The following GSTCD variants were observed in gnomAD, a reference collection of about 807,000 sequenced individuals.
GSTCD encodes the protein glutathione S-transferase C-terminal domain-containing protein.
Under a neutral mutation model 68.3 loss-of-function variants are expected in GSTCD, and 44 were observed. The ratio of observed to expected loss-of-function variants is 0.64; its 90% CI spans 0.51 to 0.83. The LOEUF (loss-of-function observed/expected upper bound fraction) is 0.83, where lower values mean the gene tolerates loss of function less well. Among genes scored for constraint, GSTCD ranks in the 40% least tolerant of loss-of-function variants. The pLI, the probability that GSTCD is intolerant of heterozygous loss-of-function variation, is 0.00. For synonymous variants in GSTCD, 273 were observed against 255.2 expected (o/e 1.07, Z -0.67); for missense variants, 739 against 735.9 (o/e 1.00, Z -0.05).
At chr4:105,719,654 T>C in intron 3 of GSTCD, 127 bp downstream of exon 3, 1 of 680,042 alleles carries the variant, frequency 1.5e-6, no homozygotes. Flanking sequence ...TCTTTCTCCA[T>C]TTTCTTATCT....
chr4:105,743,232 G>T (rs1733694268), intron 5 of GSTCD, among the ~76,000 whole-genome samples: 1 of 152,004 alleles, frequency 6.6e-6, no homozygotes, highest in African/African-American at 2.4e-5. Flanking sequence ...TTACAGGCAT[G>T]ACCCACCGCA....
At chr4:105,789,739 G>A (rs533463783) in intron 5 of GSTCD, among the ~76,000 whole-genome samples, 21 of 151,892 alleles carry the variant, frequency 1.4e-4, no homozygotes, top group Admixed American at 2.6e-4. Flanking sequence ...ATAATGAAGG[G>A]GAGAGGATTA....
chr4:105,781,975 T>A (rs763444400), intron 5 of GSTCD, among the ~76,000 whole-genome samples: 1 of 152,138 alleles, frequency 6.6e-6, no homozygotes, highest in Non-Finnish European at 1.5e-5. Context: ...CTAGCAGGAA[T>A]AGTTTTTCTG....
chr4:105,791,649 A>G (rs1051289339), intron 5 of GSTCD, among the ~76,000 whole-genome samples: 3 of 151,952 alleles, frequency 2.0e-5, no homozygotes, highest in Non-Finnish European at 2.9e-5. Flanking sequence ...AAAATTGTCT[A>G]TTTTCTCTCC....
intron 1 of GSTCD, among the ~76,000 whole-genome samples, chr4:105,716,444 C>G (rs1040334481): frequency 3.9e-5 from 6 of 152,180 alleles, no homozygotes; most frequent in African/African-American, 1.4e-4. Flanking sequence ...GGGCCCAGGA[C>G]TAGTATCCAT....
intron 5 of GSTCD, among the ~76,000 whole-genome samples, chr4:105,790,661 A>C (rs1268004654): frequency 6.6e-6 from 1 of 151,656 alleles, no homozygotes; most frequent in Non-Finnish European, 1.5e-5. Context: ...AGAAAAAGCA[A>C]ACGGCAGCAG....
intron 5 of GSTCD, among the ~76,000 whole-genome samples, chr4:105,784,346 C>T (rs1735387626): frequency 6.6e-6 from 1 of 152,198 alleles, no homozygotes; most frequent in South Asian, 2.1e-4. Context: ...GAAGAGAGCA[C>T]ATGAGACAGA....
At chr4:105,813,707 A>G (rs1241699172) in intron 5 of GSTCD, among the ~76,000 whole-genome samples, 2 of 152,166 alleles carry the variant, frequency 1.3e-5, no homozygotes, top group East Asian at 1.9e-4. Context: ...CCTAAAGACT[A>G]TTGCATCAGC....
chr4:105,713,536 G>T (rs1732600342), intron 1 of GSTCD, among the ~76,000 whole-genome samples: 1 of 152,026 alleles, frequency 6.6e-6, no homozygotes, highest in East Asian at 1.9e-4. Flanking sequence ...CTCTAAATAA[G>T]ATCTTTTATG....
intron 5 of GSTCD, among the ~76,000 whole-genome samples, chr4:105,751,286 T>G (rs1324307438): frequency 6.6e-6 from 1 of 152,130 alleles, no homozygotes; most frequent in Non-Finnish European, 1.5e-5. Context: ...TAAAAATAAT[T>G]TAAGCAGAAA....
intron 5 of GSTCD, among the ~76,000 whole-genome samples, chr4:105,789,062 T>C (rs1302503550): frequency 6.6e-6 from 1 of 152,116 alleles, no homozygotes; most frequent in East Asian, 1.9e-4. Flanking sequence ...CCATAGATTT[T>C]TGAACTGTGA....
intron 1 of GSTCD, among the ~76,000 whole-genome samples, chr4:105,710,232 A>ATTAT (rs1732479725): frequency 2.3e-5 from 2 of 85,722 alleles, no homozygotes; most frequent in African/African-American, 5.6e-5. Context: ...GGGCCCATCA[A>ATTAT]TTTTTTTTTT....
intron 9 of GSTCD, among the ~76,000 whole-genome samples, chr4:105,836,562 A>G (rs565570875): frequency 6.6e-6 from 1 of 151,910 alleles, no homozygotes; most frequent in East Asian, 1.9e-4. Context: ...GCCCATGTCA[A>G]GCTGCCCTCA....
chr4:105,719,372 A>T lies in GSTCD; in HGVS notation c.739A>T (p.Thr247Ser). 1 of 1,611,060 alleles carries T rather than the reference A, an allele frequency of 6.2e-7. No individual in the cohort carries two copies. The highest frequency in any genetic ancestry group is 8.5e-7 in the Non-Finnish European group (1 of 1,177,252). ...LELKVAFSKL[T>S]VQEEPATTNR... is the part of the protein sequence containing the mutation. ...ACTGAAAGTGGCATTCTCAAAGCTC[A>T]CAGTACAGGAAGAACCAGCTACTAC... is the stretch of plus-strand genomic sequence containing the variant. The change falls in exon 3 of 12, where the codon ACA becomes TCA. Residue 247 changes from threonine to serine, a missense_variant. Coordinates refer to ENST00000515279, the MANE Select transcript of GSTCD (RefSeq NM_001370181.1).
intron 5 of GSTCD, among the ~76,000 whole-genome samples, chr4:105,762,457 A>C (rs1162005459): frequency 1.3e-5 from 2 of 152,214 alleles, no homozygotes; most frequent in Non-Finnish European, 2.9e-5. Flanking sequence ...ATTCCTGGGT[A>C]GATAGGTCTA....
chr4:105,770,040 T>C lies in GSTCD; in HGVS notation c.1240+40541T>C, dbSNP rs550515528. ...TCCCAAAATGCTAGGATTACAGGTG[T>C]GAACCACCACACCCGGCCCAGATTT... On this transcript the variant is annotated intron_variant, in intron 5 of 11. Transcript: ENST00000515279. Among the ~76,000 whole-genome samples, 7 of 152,312 alleles carry C rather than the reference T, an allele frequency of 4.6e-5. No homozygotes were observed. The East Asian group carries it at 1.3e-3, about 29-fold the overall frequency.
intron 8 of GSTCD, among the ~76,000 whole-genome samples, chr4:105,828,295 TTATG>T (rs1437067910): frequency 6.6e-6 from 1 of 152,224 alleles, no homozygotes; most frequent in Non-Finnish European, 1.5e-5. Context: ...TCATTTCTAT[TTATG>T]TATGTATGTT....
chr4:105,748,845 T>C (rs968324776), intron 5 of GSTCD, among the ~76,000 whole-genome samples: 2 of 151,992 alleles, frequency 1.3e-5, no homozygotes, highest in Non-Finnish European at 2.9e-5. Flanking sequence ...GGAAAAATAA[T>C]TTAAACTGGC....
At chr4:105,823,988 A>G (rs1044441548) in intron 7 of GSTCD, among the ~76,000 whole-genome samples, 2 of 152,184 alleles carry the variant, frequency 1.3e-5, no homozygotes, top group African/African-American at 4.8e-5. Context: ...GTCTTCTGCC[A>G]TGTTAAATCA....
Sources: allele counts gnomAD v4.1 joint callset (sites outside exome capture counted in the v4.1 genomes callset), GRCh38; gene constraint gnomAD v4.1.1; transcripts MANE v1.5; gene names NCBI Gene and HGNC (gene_info 2026-07-23, HGNC 2026-07-21).